Variants in PSORS1C1 observed in about 807,000 individuals in gnomAD.
PSORS1C1 encodes psoriasis susceptibility 1 candidate 1.
In PSORS1C1, 7 loss-of-function variants were observed where a neutral mutation model predicts 9.4. That is an observed-to-expected ratio of 0.75 (90% CI 0.42 to 1.40). PSORS1C1 has a LOEUF of 1.40. Ranked by LOEUF, PSORS1C1 falls within the 40% of genes most tolerant of loss-of-function variation. The pLI, the probability that PSORS1C1 is intolerant of heterozygous loss-of-function variation, is 0.01. For synonymous variants in PSORS1C1, 63 were observed against 69.4 expected, an observed-to-expected ratio of 0.91 and a Z score of 0.46; for missense variants, 146 against 178.1, an observed-to-expected ratio of 0.82 and a Z score of 1.02.
rs536843160 is a variant in PSORS1C1 at position 31,122,379 on chromosome 6, T to C, written c.-228-3297T>C. On this transcript the variant is annotated intron_variant, in intron 1 of 5. Coordinates refer to ENST00000259881, the MANE Select transcript of PSORS1C1 (RefSeq NM_014068.3). ...CACCCCCACAGCCCCAGGCTCCCTT[T>C]CCTGAGTCTCCAGCCCAGCCAATGC... Among the ~76,000 whole-genome samples the C allele has an allele frequency of 2.6e-5, 4 of 152,294 alleles. No individual in the cohort carries two copies. The South Asian group carries it at 8.3e-4, about 32-fold the overall frequency.
Position 31,139,602 on chromosome 6 carries a change from G to T in PSORS1C1, c.168-39G>T. 6.3e-7 allele frequency: 1 copy of T among 1,594,062 alleles called. No homozygotes were observed. The highest frequency in any genetic ancestry group is 8.6e-7 in the Non-Finnish European group (1 of 1,167,386). On this transcript the variant is annotated intron_variant, in intron 5 of 5. Coordinates refer to ENST00000259881, the MANE Select transcript of PSORS1C1 (RefSeq NM_014068.3). The surrounding 1 kb of genome is among the most constrained non-coding windows in gnomAD (Gnocchi z 5.2). ...TCCTGGGCACTTCCCTTCCCCCATG[G>T]GATCCAGGCATCCTGCTCTCCACCA...
At chr6:31,117,427 C>T (rs1348972343) in intron 1 of PSORS1C1, 1 of 1,560,180 alleles carries the variant, frequency 6.4e-7, no homozygotes. Flanking sequence ...ACTGAAACCG[C>T]TGGAGTCACC....
chr6:31,116,587 G>C (rs748624222), intron 1 of PSORS1C1: 1 of 1,613,798 alleles, frequency 6.2e-7, no homozygotes, highest in South Asian at 1.1e-5. Flanking sequence ...AGAGATGGGG[G>C]GCCCAGCTGC....
At chr6:31,132,752 G>A (rs149804570) in intron 3 of PSORS1C1, among the ~76,000 whole-genome samples, 5,166 of 152,048 alleles carry the variant, frequency 0.034, 262 homozygotes, top group African/African-American at 0.11. Context: ...AGAAGGCTGA[G>A]GCAGGAGGAC....
chr6:31,116,775 G>A (rs200454485), intron 1 of PSORS1C1: 1 of 1,613,422 alleles, frequency 6.2e-7, no homozygotes, highest in Admixed American at 1.7e-5. Flanking sequence ...GACAGGGCTT[G>A]CCTGGAAGGC....
intron 1 of PSORS1C1, chr6:31,116,582 TG>T (rs1016125289): frequency 1.9e-6 from 3 of 1,613,686 alleles, no homozygotes; most frequent in Non-Finnish European, 2.5e-6. Flanking sequence ...CCCTCAGAGA[TG>T]GGGGGCCCAG....
intron 1 of PSORS1C1, chr6:31,120,188 A>G (rs2150961103): frequency 4.7e-6 from 3 of 644,422 alleles, no homozygotes; most frequent in East Asian, 5.5e-5. Flanking sequence ...GAAGTTTAAG[A>G]AACTTACCTG....
chr6:31,137,616 G>A (rs1417997089), intron 3 of PSORS1C1: 2 of 325,528 alleles, frequency 6.1e-6, no homozygotes, highest in Non-Finnish European at 1.1e-5. Flanking sequence ...CCACCAGGTG[G>A]CAGAAGGGAA....
intron 1 of PSORS1C1, chr6:31,116,487 C>T (rs1425919963): frequency 6.2e-7 from 1 of 1,606,720 alleles, no homozygotes; most frequent in Non-Finnish European, 8.5e-7. Flanking sequence ...AGAGCTGGAC[C>T]CCACCAGTCC....
At chr6:31,124,174 G>C (rs181239119) in intron 1 of PSORS1C1, among the ~76,000 whole-genome samples, 1 of 152,074 alleles carries the variant, frequency 6.6e-6, no homozygotes, top group Non-Finnish European at 1.5e-5. Context: ...GGAACCAAAC[G>C]GCTTTGAATG....
rs1772768990 is a variant in PSORS1C1, at chr6:31,128,274, G to C, written c.-64-1295G>C. On this transcript the variant is annotated intron_variant, in intron 2 of 5. Transcript: ENST00000259881. This position sits in a 1 kb window ranked among gnomAD's most constrained non-coding sequence, Gnocchi z 4.3. ...GGCTCTGGAGGAAAACACCTGAGAG[G>C]AGTCTCTAGGCTGCCCTCTGGTGGC... Among the ~76,000 whole-genome samples the C allele has an allele frequency of 6.6e-6, 1 of 152,136 alleles. No homozygotes were observed. Among genetic ancestry groups the C allele is most frequent in the Admixed American group, 6.5e-5 (1 of 15,280 alleles).
chr6:31,139,716 A>G lies in PSORS1C1; in HGVS notation c.243A>G (p.Gly81=). 6.2e-7 allele frequency: 1 copy of G among 1,613,092 alleles called. No individual in the cohort carries two copies. The highest frequency in any genetic ancestry group is 1.7e-5 in the Admixed American group (1 of 60,030). Reference sequence around the variant, plus strand: ...CCACCCAGGATGACTGCAGAAAAGGAAGGACACAGGAGGATATCCTGGTTC... The same window carrying G: ...CCACCCAGGATGACTGCAGAAAAGGGAGGACACAGGAGGATATCCTGGTTC... ...LAATQDDCRK[G]RTQEDILVPS... Residue 81 remains glycine, a synonymous_variant, in exon 6 of 6, where the codon GGA becomes GGG. Coordinates refer to ENST00000259881, the MANE Select transcript of PSORS1C1 (RefSeq NM_014068.3). This position sits in a 1 kb window ranked among gnomAD's most constrained non-coding sequence, Gnocchi z 5.2.
chr6:31,139,153 C>T lies in PSORS1C1; in HGVS notation c.167+374C>T. On this transcript the variant is annotated intron_variant, in intron 5 of 5. Transcript: ENST00000259881. This position sits in a 1 kb window ranked among gnomAD's most constrained non-coding sequence, Gnocchi z 5.2. ...GCACAGGAATACCATCAGAACAGAA[C>T]TGGTCAAACCCGTTGGGAAGGCCTG... 1.4e-6 allele frequency: 1 copy of T among 727,632 alleles called. No individual in the cohort carries two copies. The highest frequency in any genetic ancestry group is 2.7e-5 in the East Asian group (1 of 37,492). 45.1% of individuals were successfully genotyped at this position (727,632 alleles called of 1,614,324 possible). A position where few individuals can be genotyped will look rare whatever the true frequency, so the allele number is the denominator to read the frequency against.
rs1452883458 is a variant in PSORS1C1, at chr6:31,139,411, C to T, written c.168-230C>T. The T allele has an allele frequency of 8.4e-6, 5 of 594,904 alleles. No individual in the cohort carries two copies. The Admixed American group carries it at 8.9e-5, about 11-fold the overall frequency. The allele number at this position is 594,904 out of a possible 1,614,324, so 36.9% of individuals were successfully genotyped here. ...AGCCAAAGAATGGGAGCAAACCACG[C>T]GATGGGCGTTGGGAAGCACCGTAAT... On this transcript the variant is annotated intron_variant, in intron 5 of 5. Transcript: ENST00000259881. This position sits in a 1 kb window ranked among gnomAD's most constrained non-coding sequence, Gnocchi z 5.2.
Position 31,128,742 on chromosome 6 carries a change from G to A in PSORS1C1, c.-64-827G>A, listed in dbSNP as rs1772786085. On this transcript the variant is annotated intron_variant, in intron 2 of 5. Coordinates refer to ENST00000259881, the MANE Select transcript of PSORS1C1 (RefSeq NM_014068.3). The surrounding 1 kb of genome is among the most constrained non-coding windows in gnomAD (Gnocchi z 4.3). ...AAGTTTATACCAAAGCGAGTCTTGGGTCTAATAATTTTGAAACATGAAATT... is the reference window on the plus strand; with the variant it reads ...AAGTTTATACCAAAGCGAGTCTTGGATCTAATAATTTTGAAACATGAAATT... Among the ~76,000 whole-genome samples the A allele has an allele frequency of 6.6e-6, 1 of 152,322 alleles. No individual in the cohort carries two copies. Among genetic ancestry groups the A allele is most frequent in the South Asian group, 2.1e-4 (1 of 4,832 alleles).
intron 3 of PSORS1C1, among the ~76,000 whole-genome samples, chr6:31,136,747 C>G (rs780277149): frequency 5.3e-5 from 8 of 152,210 alleles, no homozygotes; most frequent in Admixed American, 5.2e-4. Flanking sequence ...CAACCCTCCT[C>G]CTGCTAAGCC....
intron 3 of PSORS1C1, 154 bp from the exon 4 acceptor site, chr6:31,138,276 T>C: frequency 6.3e-7 from 1 of 1,581,884 alleles, no homozygotes. Context: ...TGCGGGTGGG[T>C]GAGAGGGGTG....
intron 1 of PSORS1C1, chr6:31,116,311 G>A (rs752026354): frequency 3.7e-6 from 6 of 1,613,864 alleles, no homozygotes; most frequent in Non-Finnish European, 5.1e-6. Flanking sequence ...TTGGGAACTG[G>A]AGCTGCTGCT....
At chr6:31,129,784 G>A (rs1024170439) in intron 3 of PSORS1C1, 139 bp downstream of exon 3, 1 of 656,038 alleles carries the variant, frequency 1.5e-6, no homozygotes, top group African/African-American at 1.8e-5. Flanking sequence ...CTGTCTTCAA[G>A]AAGCTCATAC....
Sources: allele counts gnomAD v4.1 joint callset (sites outside exome capture counted in the v4.1 genomes callset), GRCh38; gene constraint gnomAD v4.1.1; non-coding constraint Gnocchi (gnomAD v3.1); transcripts MANE v1.5; gene names NCBI Gene and HGNC (gene_info 2026-07-23, HGNC 2026-07-21).